RBFOX1: variants seen among roughly 807,000 people sequenced by gnomAD.
RBFOX1 encodes the protein RNA binding protein fox-1 homolog 1.
A neutral mutation model predicts 57.7 loss-of-function variants in RBFOX1; 8 were observed. The observed-to-expected ratio is 0.14, with a 90% CI of 0.08 to 0.25. The LOEUF is 0.25. Ranked by LOEUF, RBFOX1 falls within the 10% of genes least tolerant of loss-of-function variation. The pLI is 1.00. For synonymous variants in RBFOX1, 326 were observed against 222.4 expected (o/e 1.47, Z -4.15); for missense variants, 611 against 548.5 (o/e 1.11, Z -1.14).
intron 1 of RBFOX1, among the ~76,000 whole-genome samples, chr16:6,168,831 T>A (rs542219347): frequency 1.2e-4 from 18 of 151,880 alleles, no homozygotes; most frequent in African/African-American, 3.6e-4. Context: ...TTTTTTTTTT[T>A]AAACACTCTC....
At chr16:7,399,705 C>T (rs982704567) in intron 4 of RBFOX1, among the ~76,000 whole-genome samples, 2 of 148,994 alleles carry the variant, frequency 1.3e-5, no homozygotes, top group East Asian at 2.0e-4. Context: ...GGATTTAGGG[C>T]TCACTTAAGT....
At chr16:5,455,776 G>C (rs1567537723) in intron 1 of RBFOX1, among the ~76,000 whole-genome samples, 1 of 152,150 alleles carries the variant, frequency 6.6e-6, no homozygotes, top group Non-Finnish European at 1.5e-5. Context: ...TACTGACCAA[G>C]AAGTGAAATG....
At chr16:7,370,114 G>C (rs767772780) in intron 4 of RBFOX1, among the ~76,000 whole-genome samples, 9 of 152,192 alleles carry the variant, frequency 5.9e-5, no homozygotes, top group Non-Finnish European at 1.3e-4. Context: ...GTTTCCCTGT[G>C]TACTGTAGGA....
intron 3 of RBFOX1, among the ~76,000 whole-genome samples, chr16:7,045,661 T>C (rs548720929): frequency 1.4e-3 from 205 of 147,650 alleles, no homozygotes; most frequent in African/African-American, 5.2e-3. Context: ...ACTTTTTTTT[T>C]TTCAATAGAG....
chr16:6,842,446 C>G (rs1012709511), intron 3 of RBFOX1, among the ~76,000 whole-genome samples: 1 of 152,048 alleles, frequency 6.6e-6, no homozygotes, highest in Non-Finnish European at 1.5e-5. Context: ...TGACCTTGCT[C>G]TATATTTATA....
intron 3 of RBFOX1, chr16:6,749,064 G>C (rs1246536957): frequency 6.6e-6 from 1 of 152,168 alleles, no homozygotes; most frequent in Non-Finnish European, 1.5e-5. Flanking sequence ...TTCATAAAAT[G>C]ACTGATATTT....
chr16:7,258,791 A>G (rs2094801911), intron 4 of RBFOX1, among the ~76,000 whole-genome samples: 1 of 152,140 alleles, frequency 6.6e-6, no homozygotes, highest in African/African-American at 2.4e-5. Flanking sequence ...TTGAACCGAG[A>G]AAGGGTTCCT....
At chr16:6,165,491 A>G (rs191975346) in intron 1 of RBFOX1, among the ~76,000 whole-genome samples, 1 of 152,194 alleles carries the variant, frequency 6.6e-6, no homozygotes, top group Non-Finnish European at 1.5e-5. Context: ...AAAGAGTTCA[A>G]AATGAGAGTT....
At chr16:6,213,511 C>G (rs945932495) in intron 1 of RBFOX1, among the ~76,000 whole-genome samples, 4 of 152,332 alleles carry the variant, frequency 2.6e-5, no homozygotes, top group Admixed American at 2.0e-4. Context: ...GACACTCTAA[C>G]AGACCCTGGC....
chr16:7,154,647 A>T (rs922160745), intron 4 of RBFOX1, among the ~76,000 whole-genome samples: 3 of 151,832 alleles, frequency 2.0e-5, no homozygotes, highest in African/African-American at 7.3e-5. Flanking sequence ...TTGGAGAGGC[A>T]TAAAACTTAG....
At position 5,856,575 on chromosome 16, in the gene RBFOX1, G is replaced by GTATATATATATATATATATA. The variant is rs375112636; in HGVS notation, c.319-10717_319-10698dup. 3.0e-3 allele frequency among the ~76,000 whole-genome samples: 97 copies of GTATATATATATATATATATA among 32,830 alleles called. 5 individuals carry two copies. Among genetic ancestry groups the GTATATATATATATATATATA allele is most frequent in the African/African-American group, 4.9e-3 (39 of 7,934 alleles). 21.5% of individuals were successfully genotyped at this position (32,830 alleles called of 152,430 possible). On this transcript the variant is annotated intron_variant, in intron 3 of 19. Coordinates refer to the RBFOX1 transcript ENST00000641259. ...TGTGTGTGTGTGTATGTGTGTGTGT[G>GTATATATATATATATATATA]TATATATATATATATATATATATAT...
At chr16:7,664,875 T>C (rs373572422) in intron 12 of RBFOX1, 54 bp from the exon 13 acceptor site, 9 of 1,613,750 alleles carry the variant, frequency 5.6e-6, no homozygotes, top group African/African-American at 1.3e-5. Flanking sequence ...TTGGTGTGTC[T>C]GCATGGGAAA....
intron 4 of RBFOX1, among the ~76,000 whole-genome samples, chr16:7,153,093 T>C (rs2076403585): frequency 6.6e-6 from 1 of 152,330 alleles, no homozygotes; most frequent in African/African-American, 2.4e-5. Context: ...ACAAAACTTG[T>C]CTCTTAATGT....
At chr16:7,180,483 G>A (rs1385070700) in intron 4 of RBFOX1, among the ~76,000 whole-genome samples, 3 of 152,112 alleles carry the variant, frequency 2.0e-5, no homozygotes, top group African/African-American at 7.2e-5. Context: ...TCTACACCAC[G>A]TTTATGCACT....
chr16:5,611,789 TCCATCCACCCACCCAC>T lies in RBFOX1; in HGVS notation c.318+12832_318+12847del, dbSNP rs1373665686. On this transcript the variant is annotated intron_variant, in intron 3 of 19. Coordinates refer to the RBFOX1 transcript ENST00000641259. ...AGTCTCCCATCCATCCATCCATCCATCCATCCACCCACCCACCCACCCACCCACCCATTCATCTACT... is the reference window on the plus strand; with the variant it reads ...AGTCTCCCATCCATCCATCCATCCATCCACCCACCCACCCATTCATCTACT... Among the ~76,000 whole-genome samples the T allele has an allele frequency of 1.3e-4, 14 of 106,454 alleles. 1 individual carries two copies. The highest frequency in any genetic ancestry group is 3.2e-4 in the East Asian group (1 of 3,110). 69.8% of individuals were successfully genotyped at this position (106,454 alleles called of 152,430 possible). A position where few individuals can be genotyped will look rare whatever the true frequency, so the allele number is the denominator to read the frequency against.
chr16:5,695,971 C>G (rs1433091526), intron 3 of RBFOX1, among the ~76,000 whole-genome samples: 3 of 152,150 alleles, frequency 2.0e-5, no homozygotes, highest in East Asian at 3.9e-4. Flanking sequence ...AATCAACCTT[C>G]TAGATTTAAT....
intron 3 of RBFOX1, among the ~76,000 whole-genome samples, chr16:6,932,198 T>G (rs2076673256): frequency 6.6e-6 from 1 of 152,126 alleles, no homozygotes; most frequent in South Asian, 2.1e-4. Context: ...CCACCTCCTG[T>G]GCTTGAGTGA....
At chr16:5,384,913 C>G (rs1434100188) in intron 1 of RBFOX1, among the ~76,000 whole-genome samples, 1 of 152,124 alleles carries the variant, frequency 6.6e-6, no homozygotes, top group East Asian at 1.9e-4. Flanking sequence ...ATAAAGCACC[C>G]AGAACGGTGC....
At position 7,182,956 on chromosome 16, in the gene RBFOX1, G is replaced by A. The variant is rs181424762; in HGVS notation, c.27+130858G>A. 1.2e-3 allele frequency among the ~76,000 whole-genome samples: 186 copies of A among 152,256 alleles called. 1 individual carries two copies. The highest frequency in any genetic ancestry group is 4.4e-3 in the African/African-American group (184 of 41,536). On this transcript the variant is annotated intron_variant, in intron 4 of 15. Transcript: ENST00000550418. The stretch of plus-strand genomic sequence containing the variant: ...TTTCTTTGTTGCTTGTTTATCATAT[G>A]CACCTTCCCACACTGGAATCTAAGC...
Sources: gnomAD v4.1 joint callset for allele counts (sites outside exome capture counted in the v4.1 genomes callset) on GRCh38, gnomAD v4.1.1 for gene constraint, MANE v1.5 for transcripts, NCBI Gene and HGNC (gene_info 2026-07-23, HGNC 2026-07-21) for gene names.